Variants in PCDHGA10 observed in about 807,000 individuals in gnomAD.
PCDHGA10 encodes the protein protocadherin gamma-A10.
A neutral mutation model predicts 59.5 loss-of-function variants in PCDHGA10; 42 were observed. The observed-to-expected ratio is 0.71, with a 90% confidence interval of 0.55 to 0.91. The LOEUF is 0.91. PCDHGA10 is among the 40% of genes least tolerant of loss of function. The probability of loss-of-function intolerance (pLI) is 0.00; values close to 1 mark genes in which losing one functional copy is unlikely to be tolerated. For missense variants in PCDHGA10, 1,111 were observed against 1,198.2 expected (o/e 0.93, Z 1.07); for synonymous variants, 511 against 517.2 (o/e 0.99, Z 0.16).
rs753581561 is a variant in PCDHGA10, at chr5:141,485,195, T to G, written c.2437-9612T>G. 2.2e-5 allele frequency: 36 copies of G among 1,613,912 alleles called. No homozygotes were observed. Among genetic ancestry groups the G allele is most frequent in the Non-Finnish European group, 1.4e-5 (16 of 1,179,906 alleles). ...AGCAATGCTCCGCAAGGTGAGAAGC[T>G]GGACAGAAATCTGGCGGTGGGCTAC... is the stretch of plus-strand genomic sequence containing the variant. On this transcript the variant is annotated intron_variant, in intron 1 of 3. Transcript: ENST00000398610. The surrounding 1 kb of genome is among the most constrained non-coding windows in gnomAD (Gnocchi z 5.7).
chr5:141,466,573 C>T (rs2099125317), intron 1 of PCDHGA10, among the ~76,000 whole-genome samples: 1 of 152,104 alleles, frequency 6.6e-6, no homozygotes, highest in South Asian at 2.1e-4. Context: ...TCAACATTGT[C>T]TCATCCCTTC....
intron 1 of PCDHGA10, chr5:141,422,139 A>G (rs2096627272): frequency 6.3e-7 from 1 of 1,588,154 alleles, no homozygotes. Context: ...AAGTTCAAGT[A>G]CGGGGGTCTC....
intron 2 of PCDHGA10, among the ~76,000 whole-genome samples, chr5:141,499,115 C>G (rs940275925): frequency 6.6e-6 from 1 of 152,124 alleles, no homozygotes; most frequent in Non-Finnish European, 1.5e-5. Flanking sequence ...CACCACTATC[C>G]CTTCTCAGGT....
chr5:141,490,686 C>T lies in PCDHGA10; in HGVS notation c.2437-4121C>T. The T allele has an allele frequency of 3.7e-6, 6 of 1,614,196 alleles. No homozygotes were observed. The highest frequency in any genetic ancestry group is 5.1e-6 in the Non-Finnish European group (6 of 1,180,014). ...GCACTGTGGCTGCCTCAGATCCAGA[C>T]ACTGGGGATAATGCCCGCCTCACCT... On this transcript the variant is annotated intron_variant, in intron 1 of 3. Coordinates refer to ENST00000398610, the MANE Select transcript of PCDHGA10 (RefSeq NM_018913.3). This position sits in a 1 kb window ranked among gnomAD's most constrained non-coding sequence, Gnocchi z 5.4.
intron 1 of PCDHGA10, among the ~76,000 whole-genome samples, chr5:141,443,202 C>T (rs546748238): frequency 2.6e-5 from 4 of 152,172 alleles, no homozygotes; most frequent in Non-Finnish European, 1.5e-5. Flanking sequence ...GTACAAAGAG[C>T]TTGTCTCGCC....
chr5:141,499,677 T>C (rs2099793326), intron 2 of PCDHGA10, among the ~76,000 whole-genome samples: 1 of 151,690 alleles, frequency 6.6e-6, no homozygotes, highest in African/African-American at 2.4e-5. Flanking sequence ...CTCCACCATC[T>C]TTAACAGATG....
chr5:141,498,814 T>G (rs2099785952), intron 2 of PCDHGA10, among the ~76,000 whole-genome samples: 1 of 151,956 alleles, frequency 6.6e-6, no homozygotes. Flanking sequence ...ACACCTGTAG[T>G]CCCAGCTACT....
At position 141,476,901 on chromosome 5, in the gene PCDHGA10, G is replaced by C; in HGVS notation, c.2437-17906G>C. On this transcript the variant is annotated intron_variant, in intron 1 of 3. Coordinates refer to ENST00000398610, the MANE Select transcript of PCDHGA10 (RefSeq NM_018913.3). The surrounding 1 kb of genome is among the most constrained non-coding windows in gnomAD (Gnocchi z 7.6). ...CTGGAGGATGCACCCTCCGGCACGC[G>C]CGTGGTACAAGTCCTTGCAACGGAT... The C allele has an allele frequency of 1.2e-6, 2 of 1,613,900 alleles. No homozygotes were observed. Among genetic ancestry groups the C allele is most frequent in the Non-Finnish European group, 1.7e-6 (2 of 1,180,034 alleles).
chr5:141,459,068 A>G (rs1278498678), intron 1 of PCDHGA10, among the ~76,000 whole-genome samples: 1 of 152,226 alleles, frequency 6.6e-6, no homozygotes, highest in African/African-American at 2.4e-5. Flanking sequence ...TATATAACAT[A>G]AAATTTGCCT....
At chr5:141,438,591 CATAT>C (rs946798767) in intron 1 of PCDHGA10, among the ~76,000 whole-genome samples, 213 of 75,464 alleles carry the variant, frequency 2.8e-3, no homozygotes, top group African/African-American at 5.5e-3. Flanking sequence ...TACATACATA[CATAT>C]ATATATATAT....
chr5:141,504,645 T>C (rs1481469819), intron 2 of PCDHGA10, among the ~76,000 whole-genome samples: 2 of 112,538 alleles, frequency 1.8e-5, no homozygotes, highest in Non-Finnish European at 3.4e-5. Context: ...GGTTTGATGA[T>C]AGAGTGTTTG....
chr5:141,494,899 C>T, intron 2 of PCDHGA10, 34 bp downstream of exon 2: 1 of 1,614,116 alleles, frequency 6.2e-7, no homozygotes, highest in Non-Finnish European at 8.5e-7. Context: ...ACCCTCTTCT[C>T]TGCGGCATTT....
At chr5:141,470,548 A>G (rs2099232978) in intron 1 of PCDHGA10, among the ~76,000 whole-genome samples, 1 of 152,182 alleles carries the variant, frequency 6.6e-6, no homozygotes, top group Non-Finnish European at 1.5e-5. Context: ...ATATTTATTG[A>G]GAGTTTCCTC....
At chr5:141,417,882 G>A (rs1170069976) in intron 1 of PCDHGA10, 8 of 1,560,746 alleles carry the variant, frequency 5.1e-6, no homozygotes, top group African/African-American at 1.4e-5. Flanking sequence ...TGCGCGCAGA[G>A]GCGCCGGGCC....
intron 1 of PCDHGA10, among the ~76,000 whole-genome samples, chr5:141,472,935 A>G (rs1593400204): frequency 6.6e-6 from 1 of 150,778 alleles, no homozygotes; most frequent in East Asian, 1.9e-4. Context: ...GTGGTGAGCC[A>G]AGATTATGCC....
chr5:141,462,656 A>G (rs1427673992), intron 1 of PCDHGA10, among the ~76,000 whole-genome samples: 2 of 151,950 alleles, frequency 1.3e-5, no homozygotes, highest in African/African-American at 4.8e-5. Context: ...ATCCTCAATT[A>G]TCTTCATATT....
intron 1 of PCDHGA10, among the ~76,000 whole-genome samples, chr5:141,466,965 C>G (rs1345790988): frequency 6.6e-6 from 1 of 152,016 alleles, no homozygotes; most frequent in African/African-American, 2.4e-5. Context: ...CAAATATTTT[C>G]TCACAGCTCA....
At chr5:141,422,090 A>T (rs762413085) in intron 1 of PCDHGA10, 1 of 1,611,852 alleles carries the variant, frequency 6.2e-7, no homozygotes, top group East Asian at 2.2e-5. Context: ...ATGGAAAGCA[A>T]GGCTTCTGAA....
Position 141,414,710 on chromosome 5 carries a change from A to C in PCDHGA10, c.1535A>C (p.Asn512Thr), listed in dbSNP as rs1253697066. 2.5e-6 allele frequency: 4 copies of C among 1,613,836 alleles called. No individual in the cohort carries two copies. The highest frequency in any genetic ancestry group is 1.3e-5 in the African/African-American group (1 of 74,868). ...GVPLSSYISINSDTGVLYALR... is the reference protein window; with the variant it reads ...GVPLSSYISITSDTGVLYALR... The stretch of plus-strand genomic sequence containing the variant: ...CCTCTGTCCTCATACATATCCATCA[A>C]CTCAGACACTGGCGTCCTGTATGCA... The change falls in exon 1 of 4, where the codon AAC (asparagine) becomes ACC (threonine). Residue 512 changes from asparagine (N) to threonine (T), a missense_variant. Transcript: ENST00000398610.
Sources: gnomAD v4.1 joint callset for allele counts (sites outside exome capture counted in the v4.1 genomes callset) on GRCh38, gnomAD v4.1.1 for gene constraint, Gnocchi (gnomAD v3.1) non-coding constraint, MANE v1.5 for transcripts, NCBI Gene and HGNC (gene_info 2026-07-23, HGNC 2026-07-21) for gene names.